The following SLC7A11 variants were observed in gnomAD, a reference collection of about 807,000 sequenced individuals.
SLC7A11 encodes solute carrier family 7 member 11, also known as cystine/glutamate transporter.
SLC7A11 carries 35 observed loss-of-function variants against 54.5 expected under a neutral mutation model. That is an observed-to-expected ratio of 0.64 (90% CI 0.49 to 0.85). The LOEUF (loss-of-function observed/expected upper bound fraction) is 0.85, where lower values mean the gene tolerates loss of function less well. SLC7A11 is among the 40% of genes least tolerant of loss of function. The pLI is 0.00. For missense variants in SLC7A11, 583 were observed against 618.1 expected (o/e 0.94, Z 0.60); for synonymous variants, 230 against 225.2 (o/e 1.02, Z -0.19).
At chr4:138,195,608 G>T (rs1578644236) in intron 6 of SLC7A11, among the ~76,000 whole-genome samples, 1 of 152,056 alleles carries the variant, frequency 6.6e-6, no homozygotes, top group African/African-American at 2.4e-5. Context: ...TCCCTCCTCA[G>T]GGAAACCTTA....
At chr4:138,175,858 T>C (rs1736558721) in intron 11 of SLC7A11, 1 of 152,168 alleles carries the variant, frequency 6.6e-6, no homozygotes, top group African/African-American at 2.4e-5. Context: ...TGCATTTTGA[T>C]AGACTATCAT....
chr4:138,239,079 C>CTATAACTAA (rs1379813109), intron 1 of SLC7A11, among the ~76,000 whole-genome samples: 1 of 152,152 alleles, frequency 6.6e-6, no homozygotes, highest in African/African-American at 2.4e-5. Context: ...TTTCATCTAC[C>CTATAACTAA]TATAACTAAT....
intron 11 of SLC7A11, chr4:138,174,701 T>G (rs904672250): frequency 3.3e-5 from 5 of 152,188 alleles, no homozygotes; most frequent in African/African-American, 9.7e-5. Flanking sequence ...GTTGAAAAAG[T>G]CTTTCGGCTT....
chr4:138,207,337 A>G (rs1026164998), intron 6 of SLC7A11, among the ~76,000 whole-genome samples: 1 of 152,086 alleles, frequency 6.6e-6, no homozygotes, highest in Non-Finnish European at 1.5e-5. Flanking sequence ...TTACAATATT[A>G]TATGTTATTT....
intron 1 of SLC7A11, among the ~76,000 whole-genome samples, chr4:138,237,792 C>G (rs1287795561): frequency 1.7e-5 from 2 of 119,304 alleles, no homozygotes; most frequent in Non-Finnish European, 3.3e-5. Flanking sequence ...ACTCTGTCCC[C>G]CCAGGCTGCA....
At chr4:138,240,676 C>T (rs1008617620) in intron 1 of SLC7A11, among the ~76,000 whole-genome samples, 9 of 151,754 alleles carry the variant, frequency 5.9e-5, no homozygotes, top group African/African-American at 1.9e-4. Flanking sequence ...CACATGGGAA[C>T]AGGAGTTAGT....
rs1248074348 is a variant in SLC7A11, at chr4:138,185,200, A to G, written c.836T>C (p.Ile279Thr). 1.2e-6 allele frequency: 2 copies of G among 1,611,840 alleles called. No homozygotes were observed. Among genetic ancestry groups the G allele is most frequent in the South Asian group, 1.1e-5 (1 of 91,058 alleles). ...GGCCACATTTGTCAGCACATAGCCA[A>G]TGGTGACAATGGCCATGGATATACA... is the stretch of plus-strand genomic sequence containing the variant. ...AICISMAIVT[I>T]GYVLTNVAYF... The change falls in exon 7 of 12, where the codon ATT (isoleucine) becomes ACT (threonine). Residue 279 changes from isoleucine to threonine, a missense_variant. Ile to Thr is a moderately conservative substitution (Grantham distance 89). Coordinates refer to ENST00000280612, the MANE Select transcript of SLC7A11 (RefSeq NM_014331.4).
chr4:138,202,126 A>G (rs958129338), intron 6 of SLC7A11, among the ~76,000 whole-genome samples: 10 of 151,966 alleles, frequency 6.6e-5, no homozygotes, highest in African/African-American at 2.4e-4. Flanking sequence ...ACTAATATAA[A>G]CCTTCTGGAC....
chr4:138,218,254 C>T (rs1345974426), intron 5 of SLC7A11, among the ~76,000 whole-genome samples: 8 of 152,130 alleles, frequency 5.3e-5, no homozygotes, highest in Admixed American at 5.2e-4. Context: ...GAAATGCATT[C>T]ATATAATTTT....
chr4:138,230,428 A>G (rs918462890), intron 3 of SLC7A11, among the ~76,000 whole-genome samples: 1 of 148,696 alleles, frequency 6.7e-6, no homozygotes, highest in Non-Finnish European at 1.5e-5. Flanking sequence ...AAAAAAAAAG[A>G]AAAAATAATG....
chr4:138,226,817 T>C (rs1211778423), intron 3 of SLC7A11, among the ~76,000 whole-genome samples: 1 of 152,242 alleles, frequency 6.6e-6, no homozygotes, highest in Non-Finnish European at 1.5e-5. Context: ...TTACTTCCTT[T>C]GAATAACAAT....
At chr4:138,201,645 T>C (rs188344426) in intron 6 of SLC7A11, among the ~76,000 whole-genome samples, 1 of 151,970 alleles carries the variant, frequency 6.6e-6, no homozygotes, top group Admixed American at 6.6e-5. Context: ...AAGCCAACAG[T>C]CAAGCAGTAC....
rs1736402856 is a variant in SLC7A11, at chr4:138,170,607, G to T, written c.*1349C>A. 1 of 151,924 alleles carries T rather than the reference G, an allele frequency of 6.6e-6. No homozygotes were observed. The highest frequency in any genetic ancestry group is 1.5e-5 in the Non-Finnish European group (1 of 67,976). The allele number at this position is 151,924 out of a possible 1,614,324, so 9.4% of individuals were successfully genotyped here. On this transcript the variant is annotated 3_prime_UTR_variant, in exon 12 of 12. Coordinates refer to ENST00000280612, the MANE Select transcript of SLC7A11 (RefSeq NM_014331.4). Reference sequence around the variant, plus strand: ...TGGGATTACAGATGTAAGCCACCATGCCCGGCTCACAGTATTTTCTAATAC... The same window carrying T: ...TGGGATTACAGATGTAAGCCACCATTCCCGGCTCACAGTATTTTCTAATAC...
intron 3 of SLC7A11, among the ~76,000 whole-genome samples, chr4:138,225,187 A>C (rs370813539): frequency 1.4e-5 from 2 of 140,620 alleles, no homozygotes; most frequent in Non-Finnish European, 3.1e-5. Flanking sequence ...AAATCATTAC[A>C]TTGTACACCC....
At position 138,179,401 on chromosome 4, in the gene SLC7A11, C is replaced by A. The variant is rs1384739167; in HGVS notation, c.1267-7G>T. On this transcript the variant is annotated splice_region_variant and splice_polypyrimidine_tract_variant and intron_variant, in intron 10 of 11. Transcript: ENST00000280612. ...CTGGGATGAACAGTGGCACCTGGAACACAGAACACAAAAAAGTCACTTCAA... is the reference window on the plus strand; with the variant it reads ...CTGGGATGAACAGTGGCACCTGGAAAACAGAACACAAAAAAGTCACTTCAA... 1 of 1,609,054 alleles carries A rather than the reference C, an allele frequency of 6.2e-7. No individual in the cohort carries two copies.
intron 2 of SLC7A11, among the ~76,000 whole-genome samples, chr4:138,235,023 T>C (rs1301071027): frequency 1.3e-5 from 2 of 152,218 alleles, no homozygotes; most frequent in African/African-American, 4.8e-5. Context: ...GATCTTATCT[T>C]TGTATGCTTG....
rs116423300 is a variant in SLC7A11, at chr4:138,181,973, G to C, written c.1116+324C>G. 4.2e-3 allele frequency among the ~76,000 whole-genome samples: 632 copies of C among 152,084 alleles called. 5 individuals carry two copies. The highest frequency in any genetic ancestry group is 0.015 in the African/African-American group (605 of 41,490). On this transcript the variant is annotated intron_variant, in intron 9 of 11. Transcript: ENST00000280612. ...TTTGCTCTACTTTCCTTAAGTCATT[G>C]GGACTTAATACTCTACATTCTTTTC...
At chr4:138,193,900 T>C (rs533664573) in intron 6 of SLC7A11, among the ~76,000 whole-genome samples, 1 of 152,140 alleles carries the variant, frequency 6.6e-6, no homozygotes, top group Non-Finnish European at 1.5e-5. Context: ...AAATTGAAAA[T>C]AATTTTTCAC....
intron 6 of SLC7A11, among the ~76,000 whole-genome samples, chr4:138,186,348 CA>C (rs1211276857): frequency 6.6e-6 from 1 of 152,122 alleles, no homozygotes; most frequent in Non-Finnish European, 1.5e-5. Flanking sequence ...AGTTCAGAAT[CA>C]GGGGGGAAAA....
Sources: allele counts gnomAD v4.1 joint callset (sites outside exome capture counted in the v4.1 genomes callset), GRCh38; gene constraint gnomAD v4.1.1; transcripts MANE v1.5; gene names NCBI Gene and HGNC (gene_info 2026-07-23, HGNC 2026-07-21).